SMYD1: variants seen among roughly 807,000 people sequenced by gnomAD.
The protein encoded by SMYD1 is histone-lysine N-methyltransferase SMYD1.
In SMYD1, 49 loss-of-function variants were observed where a neutral mutation model predicts 54.0. The ratio of observed to expected loss-of-function variants is 0.91; its 90% CI spans 0.72 to 1.15. SMYD1 has a LOEUF of 1.15. Ranked by LOEUF, SMYD1 falls within the 50% of genes most tolerant of loss-of-function variation. SMYD1 has a pLI of 0.00. For missense variants in SMYD1, 653 were observed against 639.6 expected, an observed-to-expected ratio of 1.02 and a Z score of -0.23; for synonymous variants, 269 against 234.2, an observed-to-expected ratio of 1.15 and a Z score of -1.36.
rs147221684 is a variant in SMYD1 at position 88,076,413 on chromosome 2, C to T, written c.138-7903C>T. Among the ~76,000 whole-genome samples the T allele has an allele frequency of 6.2e-4, 94 of 152,130 alleles. 2 individuals carry two copies. In the East Asian group the frequency reaches 0.017, roughly 27 times the overall value. On this transcript the variant is annotated intron_variant, in intron 1 of 9. Transcript: ENST00000419482. ...TTTGTTTGTTTGTTTTTAGTAGAGA[C>T]GGGGTTTCGCCGTGTTGGCCAGGAT...
chr2:88,106,243 G>GT, intron 7 of SMYD1, 82 bp from the exon 8 acceptor site: 4 of 1,534,894 alleles, frequency 2.6e-6, no homozygotes, highest in Non-Finnish European at 3.6e-6. Flanking sequence ...TGATTGTCTG[G>GT]TATCACCATG....
chr2:88,096,563 T>G, intron 5 of SMYD1, 32 bp from the exon 6 acceptor site: 1 of 1,575,216 alleles, frequency 6.3e-7, no homozygotes, highest in South Asian at 1.2e-5. Flanking sequence ...AGGCCTGGAT[T>G]CGATTCACCT....
intron 8 of SMYD1, among the ~76,000 whole-genome samples, chr2:88,108,130 A>G (rs186382568): frequency 6.6e-6 from 1 of 152,238 alleles, no homozygotes; most frequent in Non-Finnish European, 1.5e-5. Context: ...TTTTTCTCAC[A>G]AGGAGTTGGC....
At chr2:88,102,976 A>C in intron 6 of SMYD1, 82 bp from the exon 7 acceptor site, 1 of 1,047,570 alleles carries the variant, frequency 9.5e-7, no homozygotes, top group Non-Finnish European at 1.5e-6. Context: ...GCTACATTGA[A>C]TGTCAAAGAT....
Position 88,084,744 on chromosome 2 carries a change from A to G in SMYD1, c.314+252A>G, listed in dbSNP as rs561560223. Among the ~76,000 whole-genome samples, 31 of 152,150 alleles carry G rather than the reference A, an allele frequency of 2.0e-4. No individual in the cohort carries two copies. In the South Asian group the frequency reaches 3.3e-3, roughly 16 times the overall value. ...CAGATTCCTTCTGTAGGGCTCCCCA[A>G]TGTTTAGTTTATTTAGGTATTTTGG... On this transcript the variant is annotated intron_variant, in intron 2 of 9. Coordinates refer to ENST00000419482, the MANE Select transcript of SMYD1 (RefSeq NM_198274.4).
chr2:88,084,438 A>G lies in SMYD1; in HGVS notation c.260A>G (p.Lys87Arg). ...TCQKDAWLNH[K>R]NECSAIKRYG... is the part of the protein sequence containing the mutation. ...CAGAAGGATGCTTGGCTGAACCACAAGAATGAATGTTCGGCCATCAAGAGA... is the reference window on the plus strand; with the variant it reads ...CAGAAGGATGCTTGGCTGAACCACAGGAATGAATGTTCGGCCATCAAGAGA... Residue 87 changes from lysine to arginine, a missense_variant, in exon 2 of 10, where the codon AAG (lysine) becomes AGG (arginine). Physicochemically the swap from Lys to Arg is conservative, Grantham distance 26. Transcript: ENST00000419482. 1 of 1,606,882 alleles carries G rather than the reference A, an allele frequency of 6.2e-7. No homozygotes were observed. The highest frequency in any genetic ancestry group is 8.5e-7 in the Non-Finnish European group (1 of 1,174,148).
chr2:88,099,220 G>A (rs1276546092), intron 6 of SMYD1, among the ~76,000 whole-genome samples: 1 of 152,084 alleles, frequency 6.6e-6, no homozygotes, highest in Non-Finnish European at 1.5e-5. Flanking sequence ...CTGAGTAGCT[G>A]GGACCATGGT....
rs2919865 is a variant in SMYD1 at position 88,112,086 on chromosome 2, A to T, written c.*1574A>T. 179,890 of 702,936 alleles carry T rather than the reference A, an allele frequency of 0.26. 30,278 individuals carry two copies. Among genetic ancestry groups the T allele is most frequent in the East Asian group, 0.56 (20,910 of 37,254 alleles). 43.5% of individuals were successfully genotyped at this position (702,936 alleles called of 1,614,324 possible). On this transcript the variant is annotated 3_prime_UTR_variant, in exon 10 of 10. Transcript: ENST00000419482. The stretch of plus-strand genomic sequence containing the variant: ...CTGACACTTAGGTCTTGTTTGAAGA[A>T]TTTCCTTTCTGGAAGGTTTTACAAG...
In SMYD1 at chr2:88,113,330, T is replaced by G. The variant is rs962375854; in HGVS notation, c.*2818T>G. On this transcript the variant is annotated 3_prime_UTR_variant, in exon 10 of 10. Coordinates refer to ENST00000419482, the MANE Select transcript of SMYD1 (RefSeq NM_198274.4). ...AGAACCATGAAACTGTATTTTGAGTTTCTATGTTATAGCAGTCAGCAAATC... is the reference window on the plus strand; with the variant it reads ...AGAACCATGAAACTGTATTTTGAGTGTCTATGTTATAGCAGTCAGCAAATC... The G allele has an allele frequency of 4.6e-4, 70 of 152,232 alleles. No homozygotes were observed. Among genetic ancestry groups the G allele is most frequent in the African/African-American group, 1.6e-3 (67 of 41,462 alleles). 9.4% of individuals were successfully genotyped at this position (152,232 alleles called of 1,614,324 possible).
chr2:88,106,928 C>T (rs1193562211), intron 8 of SMYD1, among the ~76,000 whole-genome samples: 9 of 152,240 alleles, frequency 5.9e-5, no homozygotes, highest in East Asian at 3.9e-4. Flanking sequence ...TGGCCAGGCG[C>T]GGTGGCTCAC....
At position 88,087,856 on chromosome 2, in the gene SMYD1, CCACAG is replaced by C; in HGVS notation, c.315-5_315-1del. The C allele has an allele frequency of 6.4e-7, 1 of 1,560,672 alleles. No homozygotes were observed. The highest frequency in any genetic ancestry group is 8.7e-7 in the Non-Finnish European group (1 of 1,152,546). ...TAGTGGCCTCCTGACGCTGCCCTTCCCACAGGCTGGCGGCGCGCATCATGTGGCGG... is the reference window on the plus strand; with the variant it reads ...TAGTGGCCTCCTGACGCTGCCCTTCCGCTGGCGGCGCGCATCATGTGGCGG... On this transcript the variant is annotated splice_acceptor_variant and splice_polypyrimidine_tract_variant and intron_variant, in intron 2 of 9. Transcript: ENST00000419482. LOFTEE classifies it high-confidence loss of function.
At chr2:88,076,274 G>C (rs1174074440) in intron 1 of SMYD1, among the ~76,000 whole-genome samples, 2 of 152,186 alleles carry the variant, frequency 1.3e-5, no homozygotes, top group Admixed American at 6.5e-5. Flanking sequence ...GAGTGCAGTG[G>C]CGTGATTTCG....
At chr2:88,076,389 T>G (rs1053480519) in intron 1 of SMYD1, among the ~76,000 whole-genome samples, 1 of 152,050 alleles carries the variant, frequency 6.6e-6, no homozygotes, top group Non-Finnish European at 1.5e-5. Flanking sequence ...TAATTGTTTT[T>G]TGTTTGTTTG....
chr2:88,105,939 G>A (rs190701502), intron 7 of SMYD1, among the ~76,000 whole-genome samples: 4 of 140,388 alleles, frequency 2.8e-5, no homozygotes, highest in African/African-American at 5.5e-5. Context: ...CTCTTGTCTC[G>A]AAATATATAT....
Position 88,110,536 on chromosome 2 carries a change from G to A in SMYD1, c.*24G>A, listed in dbSNP as rs1355282542. 5 of 1,535,904 alleles carry A rather than the reference G, an allele frequency of 3.3e-6. No homozygotes were observed. The highest frequency in any genetic ancestry group is 2.0e-5 in the Admixed American group (1 of 49,980). ...GAGGACTGCCCAGTGGAGGAGGGGC[G>A]ATGTGGCTGGGGAGCTAGGGAGAGA... On this transcript the variant is annotated 3_prime_UTR_variant, in exon 10 of 10. Coordinates refer to ENST00000419482, the MANE Select transcript of SMYD1 (RefSeq NM_198274.4).
rs1197927697 is a variant in SMYD1, at chr2:88,074,177, C to T, written c.137+6176C>T. Among the ~76,000 whole-genome samples the T allele has an allele frequency of 2.6e-5, 4 of 152,214 alleles. No individual in the cohort carries two copies. In the South Asian group the frequency reaches 8.3e-4, roughly 31 times the overall value. On this transcript the variant is annotated intron_variant, in intron 1 of 9. Transcript: ENST00000419482. Reference sequence around the variant, plus strand: ...CCCTAGGCACCTGGCCTTTAGTTCCCTTTGCTGCTGTCACAAACTACTGTA... The same window carrying T: ...CCCTAGGCACCTGGCCTTTAGTTCCTTTTGCTGCTGTCACAAACTACTGTA...
chr2:88,087,889 G>A lies in SMYD1; in HGVS notation c.342G>A (p.Val114=), dbSNP rs1674371467. The change falls in exon 3 of 10, where the codon GTG becomes GTA. Residue 114 remains valine (V), a synonymous_variant. Coordinates refer to ENST00000419482, the MANE Select transcript of SMYD1 (RefSeq NM_198274.4). ...TGGCGGCGCGCATCATGTGGCGGGTGGAGAGAGAAGGCACCGGGCTCACGG... is the reference window on the plus strand; with the variant it reads ...TGGCGGCGCGCATCATGTGGCGGGTAGAGAGAGAAGGCACCGGGCTCACGG... The part of the protein sequence containing the change: ...IRLAARIMWR[V]EREGTGLTEG... 5.0e-6 allele frequency: 8 copies of A among 1,596,886 alleles called. No homozygotes were observed. In the East Asian group the frequency reaches 8.9e-5, roughly 18 times the overall value.
chr2:88,085,601 C>T (rs1260112883), intron 2 of SMYD1, among the ~76,000 whole-genome samples: 1 of 152,216 alleles, frequency 6.6e-6, no homozygotes, highest in Non-Finnish European at 1.5e-5. Context: ...TATTGAAACA[C>T]TACATATCCT....
At position 88,088,007 on chromosome 2, in the gene SMYD1, T is replaced by G. The variant is rs1467479249; in HGVS notation, c.460T>G (p.Phe154Val). Residue 154 changes from phenylalanine to valine, a missense_variant, in exon 3 of 10, where the codon TTC becomes GTC. Physicochemically the swap from Phe to Val is conservative, Grantham distance 50. Coordinates refer to ENST00000419482, the MANE Select transcript of SMYD1 (RefSeq NM_198274.4). ...QKDLRVDVDTFLQYWPPQSQQ... is the reference protein window; with the variant it reads ...QKDLRVDVDTVLQYWPPQSQQ... ...GGACCTGCGGGTGGACGTGGACACA[T>G]TCTTGCAGTACTGGCCGCCGCAGAG... 1 of 1,614,154 alleles carries G rather than the reference T, an allele frequency of 6.2e-7. No individual in the cohort carries two copies. The highest frequency in any genetic ancestry group is 1.3e-5 in the African/African-American group (1 of 75,044).
Sources: allele counts gnomAD v4.1 joint callset (sites outside exome capture counted in the v4.1 genomes callset), GRCh38; gene constraint gnomAD v4.1.1; transcripts MANE v1.5; gene names NCBI Gene and HGNC (gene_info 2026-07-23, HGNC 2026-07-21).